KIRREL3: variants seen among roughly 807,000 people sequenced by gnomAD.
The protein encoded by KIRREL3 is kirre like nephrin family adhesion molecule 3.
A neutral mutation model predicts 89.7 loss-of-function variants in KIRREL3; 36 were observed. The observed-to-expected ratio is 0.40, with a 90% CI of 0.31 to 0.53. The LOEUF is 0.53. Ranked by LOEUF, KIRREL3 falls within the 20% of genes least tolerant of loss-of-function variation. The pLI, the probability that KIRREL3 is intolerant of heterozygous loss-of-function variation, is 0.49. For missense variants in KIRREL3, 864 were observed against 1,056.6 expected (o/e 0.82, Z 2.53); for synonymous variants, 445 against 441.4 (o/e 1.01, Z -0.10).
Position 126,497,729 on chromosome 11 carries a change from G to A in KIRREL3, c.433+23586C>T, listed in dbSNP as rs149477772. 6.6e-5 allele frequency among the ~76,000 whole-genome samples: 10 copies of A among 152,322 alleles called. No homozygotes were observed. In the South Asian group the frequency reaches 8.3e-4, roughly 13 times the overall value. On this transcript the variant is annotated intron_variant, in intron 4 of 16. Coordinates refer to ENST00000525144, the MANE Select transcript of KIRREL3 (RefSeq NM_032531.4). ...TTTTCTCACCAGATGAAGAAGCCACGCCAGTGCACATGGATGCATGCCTAC... is the reference window on the plus strand; with the variant it reads ...TTTTCTCACCAGATGAAGAAGCCACACCAGTGCACATGGATGCATGCCTAC...
rs1425565159 is a variant in KIRREL3 at position 126,568,290 on chromosome 11, G to A, written c.56-5378C>T. Among the ~76,000 whole-genome samples the A allele has an allele frequency of 6.7e-6, 1 of 150,226 alleles. No individual in the cohort carries two copies. The highest frequency in any genetic ancestry group is 1.5e-5 in the Non-Finnish European group (1 of 67,044). On this transcript the variant is annotated intron_variant, in intron 1 of 16. Coordinates refer to ENST00000525144, the MANE Select transcript of KIRREL3 (RefSeq NM_032531.4). This position sits in a 1 kb window ranked among gnomAD's most constrained non-coding sequence, Gnocchi z 4.6. ...GGATCCCTTCAGCACTGGTGCAGAT[G>A]ATGGATGGGAGATGAGCTCAGAGAA...
chr11:126,895,622 AG>A (rs968263514), intron 1 of KIRREL3, among the ~76,000 whole-genome samples: 7 of 152,130 alleles, frequency 4.6e-5, no homozygotes, highest in African/African-American at 1.7e-4. Context: ...AGAACCTGAG[AG>A]GGAGACATTA....
intron 1 of KIRREL3, among the ~76,000 whole-genome samples, chr11:126,767,814 C>T (rs1430468576): frequency 2.0e-5 from 3 of 152,262 alleles, no homozygotes; most frequent in South Asian, 2.1e-4. Flanking sequence ...GCATAGAATT[C>T]GCTGCAAGAA....
At chr11:126,456,037 T>C (rs1392398779) in intron 7 of KIRREL3, among the ~76,000 whole-genome samples, 1 of 107,136 alleles carries the variant, frequency 9.3e-6, no homozygotes, top group Non-Finnish European at 1.8e-5. Flanking sequence ...TTTTTTGTTT[T>C]CGTTTTTTTT....
chr11:126,625,258 A>G (rs1240737720), intron 1 of KIRREL3, among the ~76,000 whole-genome samples: 1 of 152,176 alleles, frequency 6.6e-6, no homozygotes, highest in Non-Finnish European at 1.5e-5. Flanking sequence ...GGACTAGGCT[A>G]CAATCCAGGT....
rs1245245503 is a variant in KIRREL3 at position 126,671,100 on chromosome 11, C to A, written c.56-108188G>T. On this transcript the variant is annotated intron_variant, in intron 1 of 16. Transcript: ENST00000525144. ...ATCTATATTAGAAACAGAGACTAGACACAGATCTTACATCCTTCATAAAAA... is the reference window on the plus strand; with the variant it reads ...ATCTATATTAGAAACAGAGACTAGAAACAGATCTTACATCCTTCATAAAAA... Among the ~76,000 whole-genome samples, 4 of 152,140 alleles carry A rather than the reference C, an allele frequency of 2.6e-5. No individual in the cohort carries two copies. In the South Asian group the frequency reaches 8.3e-4, roughly 32 times the overall value.
chr11:126,817,612 T>C lies in KIRREL3; in HGVS notation c.55+182843A>G, dbSNP rs1158486136. On this transcript the variant is annotated intron_variant, in intron 1 of 16. Coordinates refer to ENST00000525144, the MANE Select transcript of KIRREL3 (RefSeq NM_032531.4). This position sits in a 1 kb window ranked among gnomAD's most constrained non-coding sequence, Gnocchi z 5.7. ...GCCTTGCTTTCTCATCCTTCCAGCC[T>C]ATGTGGCTGCAAAATGACACTTGTA... Among the ~76,000 whole-genome samples the C allele has an allele frequency of 1.3e-5, 2 of 152,186 alleles. No homozygotes were observed. The highest frequency in any genetic ancestry group is 4.8e-5 in the African/African-American group (2 of 41,446).
At chr11:126,593,302 A>G (rs888649699) in intron 1 of KIRREL3, among the ~76,000 whole-genome samples, 1 of 152,108 alleles carries the variant, frequency 6.6e-6, no homozygotes, top group Non-Finnish European at 1.5e-5. Context: ...AATTACCTTT[A>G]TTTAGCACCG....
chr11:126,906,061 C>T lies in KIRREL3; in HGVS notation c.55+94394G>A, dbSNP rs538955579. 7.2e-5 allele frequency among the ~76,000 whole-genome samples: 11 copies of T among 152,314 alleles called. No homozygotes were observed. Among genetic ancestry groups the T allele is most frequent in the Admixed American group, 6.5e-4 (10 of 15,308 alleles). On this transcript the variant is annotated intron_variant, in intron 1 of 16. Coordinates refer to ENST00000525144, the MANE Select transcript of KIRREL3 (RefSeq NM_032531.4). The surrounding 1 kb of genome is among the most constrained non-coding windows in gnomAD (Gnocchi z 4.1). ...CAAAATGCCAGGCCGACTTCAAGGCCGGGAGGTGTGCAGAGCCCCAGGCTC... is the reference window on the plus strand; with the variant it reads ...CAAAATGCCAGGCCGACTTCAAGGCTGGGAGGTGTGCAGAGCCCCAGGCTC...
At position 126,525,710 on chromosome 11, in the gene KIRREL3, G is replaced by A. The variant is rs373408442; in HGVS notation, c.283+828C>T. On this transcript the variant is annotated intron_variant, in intron 3 of 16. Coordinates refer to ENST00000525144, the MANE Select transcript of KIRREL3 (RefSeq NM_032531.4). The surrounding 1 kb of genome is among the most constrained non-coding windows in gnomAD (Gnocchi z 5.4). ...GAATGACACCCAGAGGTCCCTGCTT[G>A]TGAATTTTACTGTGTACGCCAAGCC... is the stretch of plus-strand genomic sequence containing the variant. Among the ~76,000 whole-genome samples, 48 of 152,254 alleles carry A rather than the reference G, an allele frequency of 3.2e-4. No homozygotes were observed. The highest frequency in any genetic ancestry group is 1.1e-3 in the African/African-American group (46 of 41,544).
At position 126,440,494 on chromosome 11, in the gene KIRREL3, G is replaced by T; in HGVS notation, c.1308C>A (p.Gly436=). The T allele has an allele frequency of 6.2e-7, 1 of 1,601,192 alleles. No homozygotes were observed. Among genetic ancestry groups the T allele is most frequent in the Non-Finnish European group, 8.5e-7 (1 of 1,174,448 alleles). The change falls in exon 11 of 17, where the codon GGC becomes GGA. Residue 436 remains glycine (G), a synonymous_variant. Transcript: ENST00000525144. ...TGCTCCGGATGAAGCACTTGATCTG[G>T]CCCTTCTCGCCGTGGAGGGCGTGCT... ...QTQHALHGEK[G]QIKCFIRSTP...
intron 4 of KIRREL3, among the ~76,000 whole-genome samples, chr11:126,493,972 G>A (rs556286125): frequency 2.0e-5 from 3 of 152,206 alleles, no homozygotes; most frequent in Non-Finnish European, 2.9e-5. Flanking sequence ...CTCTTGTCTC[G>A]GGCACAAACT....
chr11:126,507,993 C>T (rs1192710537), intron 4 of KIRREL3, among the ~76,000 whole-genome samples: 5 of 152,162 alleles, frequency 3.3e-5, no homozygotes, highest in Admixed American at 6.5e-5. Flanking sequence ...CGTTTGTGTG[C>T]GACAAAGGGG....
rs1487564463 is a variant in KIRREL3 at position 126,477,510 on chromosome 11, A to T, written c.434-4044T>A. 6.6e-6 allele frequency among the ~76,000 whole-genome samples: 1 copy of T among 152,134 alleles called. No homozygotes were observed. Among genetic ancestry groups the T allele is most frequent in the Non-Finnish European group, 1.5e-5 (1 of 68,008 alleles). On this transcript the variant is annotated intron_variant, in intron 4 of 16. Coordinates refer to ENST00000525144, the MANE Select transcript of KIRREL3 (RefSeq NM_032531.4). This position sits in a 1 kb window ranked among gnomAD's most constrained non-coding sequence, Gnocchi z 4.8. Reference sequence around the variant, plus strand: ...AAAGTTACCAGTGACGAGAGCAAAGAAGGGTGAGGGTGGGCTTGGGACGCA... The same window carrying T: ...AAAGTTACCAGTGACGAGAGCAAAGTAGGGTGAGGGTGGGCTTGGGACGCA...
At chr11:126,737,951 C>T (rs12282496) in intron 1 of KIRREL3, among the ~76,000 whole-genome samples, 1 of 152,006 alleles carries the variant, frequency 6.6e-6, no homozygotes, top group Non-Finnish European at 1.5e-5. Flanking sequence ...GTACTACTGA[C>T]TATTAGATCT....
In KIRREL3 at chr11:126,782,187, T is replaced by G. The variant is rs1397278591; in HGVS notation, c.55+218268A>C. Reference sequence around the variant, plus strand: ...GAGTCCTGTGTGATCTTTCAGCCCCTCTTCCCTCCCGTCCCTACTCTAGAG... The same window carrying G: ...GAGTCCTGTGTGATCTTTCAGCCCCGCTTCCCTCCCGTCCCTACTCTAGAG... On this transcript the variant is annotated intron_variant, in intron 1 of 16. Transcript: ENST00000525144. The surrounding 1 kb of genome is among the most constrained non-coding windows in gnomAD (Gnocchi z 4.1). Among the ~76,000 whole-genome samples, 1 of 152,166 alleles carries G rather than the reference T, an allele frequency of 6.6e-6. No individual in the cohort carries two copies. The highest frequency in any genetic ancestry group is 1.5e-5 in the Non-Finnish European group (1 of 68,032).
chr11:126,962,208 A>T (rs894694445), intron 1 of KIRREL3, among the ~76,000 whole-genome samples: 2 of 152,228 alleles, frequency 1.3e-5, no homozygotes, highest in African/African-American at 4.8e-5. Context: ...GCTGCCTCAG[A>T]TGGTGATTCC....
rs1457305692 is a variant in KIRREL3, at chr11:126,687,765, T to C, written c.56-124853A>G. Among the ~76,000 whole-genome samples, 1 of 152,208 alleles carries C rather than the reference T, an allele frequency of 6.6e-6. No individual in the cohort carries two copies. Among genetic ancestry groups the C allele is most frequent in the Non-Finnish European group, 1.5e-5 (1 of 68,016 alleles). On this transcript the variant is annotated intron_variant, in intron 1 of 16. Transcript: ENST00000525144. The surrounding 1 kb of genome is among the most constrained non-coding windows in gnomAD (Gnocchi z 4.6). Reference sequence around the variant, plus strand: ...CCTATTCTCAGAGTGCTCAGTCCAGTGAGAAACTAGAAAAGTCTGCAGGTA... The same window carrying C: ...CCTATTCTCAGAGTGCTCAGTCCAGCGAGAAACTAGAAAAGTCTGCAGGTA...
rs781172698 is a variant in KIRREL3, at chr11:126,635,909, T to C, written c.56-72997A>G. ...CCAATATGAAAATAACAAACCATTC[T>C]AGGGAACAACTTGGTTATTTTTGGG... On this transcript the variant is annotated intron_variant, in intron 1 of 16. Coordinates refer to ENST00000525144, the MANE Select transcript of KIRREL3 (RefSeq NM_032531.4). The surrounding 1 kb of genome is among the most constrained non-coding windows in gnomAD (Gnocchi z 4.0). Among the ~76,000 whole-genome samples the C allele has an allele frequency of 3.9e-5, 6 of 152,170 alleles. No homozygotes were observed. Among genetic ancestry groups the C allele is most frequent in the Non-Finnish European group, 8.8e-5 (6 of 68,038 alleles).
Sources: gnomAD v4.1 joint callset for allele counts (sites outside exome capture counted in the v4.1 genomes callset) on GRCh38, gnomAD v4.1.1 for gene constraint, Gnocchi (gnomAD v3.1) non-coding constraint, MANE v1.5 for transcripts, NCBI Gene and HGNC (gene_info 2026-07-23, HGNC 2026-07-21) for gene names.